SYT13: variants seen among roughly 807,000 people sequenced by gnomAD.
The protein encoded by SYT13 is synaptotagmin-13.
In SYT13, 21 loss-of-function variants were observed where a neutral mutation model predicts 38.6. The ratio of observed to expected loss-of-function variants is 0.54; its 90% CI spans 0.39 to 0.78. SYT13 has a LOEUF of 0.78. Ranked by LOEUF, SYT13 falls within the 30% of genes least tolerant of loss-of-function variation. The pLI, the probability that SYT13 is intolerant of heterozygous loss-of-function variation, is 0.00. For missense variants in SYT13, 495 were observed against 548.7 expected, an observed-to-expected ratio of 0.90 and a Z score of 0.98; for synonymous variants, 241 against 237.6, an observed-to-expected ratio of 1.01 and a Z score of -0.13.
intron 1 of SYT13, among the ~76,000 whole-genome samples, chr11:45,274,876 C>T (rs1191346387): frequency 1.3e-5 from 2 of 152,156 alleles, no homozygotes; most frequent in South Asian, 2.1e-4. Context: ...AAAACATCTC[C>T]CTGGGTATTA....
chr11:45,254,029 G>A, intron 3 of SYT13: 1 of 370,090 alleles, frequency 2.7e-6, no homozygotes, highest in Non-Finnish European at 4.8e-6. Context: ...GCTGGAAGGA[G>A]TCTGGTCCTT....
At chr11:45,273,026 G>T (rs1392215144) in intron 1 of SYT13, among the ~76,000 whole-genome samples, 1 of 152,160 alleles carries the variant, frequency 6.6e-6, no homozygotes, top group East Asian at 1.9e-4. Context: ...TAGCTAACAT[G>T]GTTTGAGTAT....
At chr11:45,254,103 G>T in intron 3 of SYT13, 167 bp downstream of exon 3, 1 of 684,376 alleles carries the variant, frequency 1.5e-6, no homozygotes, top group Non-Finnish European at 2.2e-6. Flanking sequence ...TGTTGGGGTT[G>T]GGAGTGTGGG....
At chr11:45,250,735 G>A (rs570108332) in intron 4 of SYT13, among the ~76,000 whole-genome samples, 1 of 152,168 alleles carries the variant, frequency 6.6e-6, no homozygotes, top group Admixed American at 6.5e-5. Flanking sequence ...TGGGAAAGAG[G>A]AAAAAATGGA....
chr11:45,275,709 G>A (rs952982614), intron 1 of SYT13, among the ~76,000 whole-genome samples: 1 of 152,120 alleles, frequency 6.6e-6, no homozygotes, highest in Non-Finnish European at 1.5e-5. Flanking sequence ...CCCTGGAGAG[G>A]GGCAAGGCTC....
intron 2 of SYT13, among the ~76,000 whole-genome samples, chr11:45,254,931 T>C (rs1174142725): frequency 1.4e-5 from 2 of 146,934 alleles, no homozygotes; most frequent in South Asian, 2.3e-4. Context: ...CTGGGCCACA[T>C]AGTGAGATCT....
chr11:45,241,661 A>T lies in SYT13; in HGVS notation c.*2391T>A, dbSNP rs1226967703. ...TATAAGGCAGCTGCACAGATTTATA[A>T]GGAGCCATGTTTCCTGATTTTTGGT... On this transcript the variant is annotated 3_prime_UTR_variant, in exon 6 of 6. Transcript: ENST00000020926. 2.0e-5 allele frequency: 3 copies of T among 152,198 alleles called. No homozygotes were observed. Among genetic ancestry groups the T allele is most frequent in the Admixed American group, 6.5e-5 (1 of 15,286 alleles). 9.4% of individuals were successfully genotyped at this position (152,198 alleles called of 1,614,324 possible).
intron 1 of SYT13, among the ~76,000 whole-genome samples, chr11:45,285,437 G>A (rs1177128193): frequency 2.0e-5 from 3 of 152,090 alleles, no homozygotes; most frequent in Non-Finnish European, 4.4e-5. Context: ...AGTCCTTCAG[G>A]TTCCTCCCGG....
chr11:45,251,610 G>A (rs892297814), intron 4 of SYT13, among the ~76,000 whole-genome samples: 2 of 152,056 alleles, frequency 1.3e-5, no homozygotes, highest in Non-Finnish European at 2.9e-5. Flanking sequence ...GCCCTTAGAT[G>A]AGCTTTGACC....
chr11:45,255,384 T>G (rs537438150), intron 2 of SYT13, among the ~76,000 whole-genome samples: 79 of 152,232 alleles, frequency 5.2e-4, no homozygotes, highest in African/African-American at 1.8e-3. Flanking sequence ...AGCCCATGGT[T>G]TTAACCATGG....
Position 45,246,388 on chromosome 11 carries a change from C to T in SYT13, c.971G>A (p.Gly324Glu), listed in dbSNP as rs778935002. The T allele has an allele frequency of 1.2e-6, 2 of 1,613,862 alleles. No individual in the cohort carries two copies. The highest frequency in any genetic ancestry group is 1.1e-5 in the South Asian group (1 of 91,022). ...TCCTCTCACATCTCACTCACCCTTC[C>T]CCAGGAGCTCCTTGGACTGGTTAGA... is the stretch of plus-strand genomic sequence containing the variant. The part of the protein sequence containing the change: ...LHSNQSKELL[G>E]KDVSVKVTLK... Residue 324 changes from glycine to glutamate, a missense_variant, in exon 5 of 6, where the codon GGG becomes GAG. Transcript: ENST00000020926.
chr11:45,254,348 A>T lies in SYT13; in HGVS notation c.466T>A (p.Trp156Arg). 3.1e-6 allele frequency: 5 copies of T among 1,613,818 alleles called. No individual in the cohort carries two copies. The highest frequency in any genetic ancestry group is 4.2e-6 in the Non-Finnish European group (5 of 1,179,912). Residue 156 changes from tryptophan (W) to arginine (R), a missense_variant, in exon 3 of 6, where the codon TGG becomes AGG. Physicochemically the swap from Trp to Arg is moderately radical, Grantham distance 101. Transcript: ENST00000020926. ...ETWNPEKAAS[W>R]NQAPKLHYCL... ...TAGTGGAGTTTGGGGGCCTGGTTCC[A>T]ACTGGCAGCCTTCTCTGGGTTCCAG...
intron 1 of SYT13, among the ~76,000 whole-genome samples, chr11:45,263,772 A>C (rs1162670498): frequency 6.6e-6 from 1 of 152,234 alleles, no homozygotes; most frequent in Admixed American, 6.5e-5. Context: ...GCTCTAAAAC[A>C]AGACAGCTTA....
At chr11:45,269,526 A>G (rs1396317444) in intron 1 of SYT13, 1 of 1,242,586 alleles carries the variant, frequency 8.0e-7, no homozygotes, top group Admixed American at 2.3e-5. Context: ...GCACAACACA[A>G]ACTTTATTGT....
Position 45,243,801 on chromosome 11 carries a change from C to A in SYT13, c.*251G>T. Reference sequence around the variant, plus strand: ...CCCACCTATAAAACAGGCATAGGAACTGTATTTAATAAGCACCTCCTTCAA... The same window carrying A: ...CCCACCTATAAAACAGGCATAGGAAATGTATTTAATAAGCACCTCCTTCAA... On this transcript the variant is annotated 3_prime_UTR_variant, in exon 6 of 6. Coordinates refer to ENST00000020926, the MANE Select transcript of SYT13 (RefSeq NM_020826.3). 1 of 468,876 alleles carries A rather than the reference C, an allele frequency of 2.1e-6. No individual in the cohort carries two copies. Among genetic ancestry groups the A allele is most frequent in the East Asian group, 3.4e-5 (1 of 29,358 alleles). The allele number at this position is 468,876 out of a possible 1,614,324, so 29.0% of individuals were successfully genotyped here.
At chr11:45,268,535 C>G (rs570004119) in intron 1 of SYT13, among the ~76,000 whole-genome samples, 1 of 152,182 alleles carries the variant, frequency 6.6e-6, no homozygotes, top group Admixed American at 6.5e-5. Context: ...GCATTTTACC[C>G]ATTCGGTTTC....
chr11:45,285,592 C>T (rs1855124704), intron 1 of SYT13, among the ~76,000 whole-genome samples: 1 of 152,150 alleles, frequency 6.6e-6, no homozygotes, highest in Non-Finnish European at 1.5e-5. Flanking sequence ...CCATCTCCCT[C>T]TCACAGACCC....
At chr11:45,282,900 C>G (rs1303810517) in intron 1 of SYT13, among the ~76,000 whole-genome samples, 1 of 152,286 alleles carries the variant, frequency 6.6e-6, no homozygotes, top group African/African-American at 2.4e-5. Flanking sequence ...GTAACCCTAA[C>G]AGTTTGAGAG....
At chr11:45,262,615 A>T (rs539906948) in intron 1 of SYT13, among the ~76,000 whole-genome samples, 1 of 151,988 alleles carries the variant, frequency 6.6e-6, no homozygotes, top group South Asian at 2.1e-4. Context: ...AGTCCCAGCT[A>T]CTCAGGCGGC....
Sources: gnomAD v4.1 joint callset for allele counts (sites outside exome capture counted in the v4.1 genomes callset) on GRCh38, gnomAD v4.1.1 for gene constraint, MANE v1.5 for transcripts, NCBI Gene and HGNC (gene_info 2026-07-23, HGNC 2026-07-21) for gene names.